OR9Q1: variants seen among roughly 807,000 people sequenced by gnomAD.
OR9Q1 encodes olfactory receptor family 9 subfamily Q member 1, also known as olfactory receptor 9Q1.
For missense variants in OR9Q1, 374 were observed against 378.8 expected, an observed-to-expected ratio of 0.99 and a Z score of 0.11; for synonymous variants, 153 against 148.6, an observed-to-expected ratio of 1.03 and a Z score of -0.22.
At chr11:58,100,992 G>C (rs747886625) in intron 2 of OR9Q1, among the ~76,000 whole-genome samples, 1 of 152,088 alleles carries the variant, frequency 6.6e-6, no homozygotes, top group Non-Finnish European at 1.5e-5. Flanking sequence ...TGAGTTGAAT[G>C]GTGGTGGTTA....
chr11:58,104,503 A>C (rs1298484096), intron 2 of OR9Q1, among the ~76,000 whole-genome samples: 3 of 152,184 alleles, frequency 2.0e-5, no homozygotes, highest in Non-Finnish European at 4.4e-5. Context: ...TACAGGCAAA[A>C]CATAATAATT....
chr11:58,085,962 C>T (rs1029579299), intron 2 of OR9Q1, among the ~76,000 whole-genome samples: 1 of 151,738 alleles, frequency 6.6e-6, no homozygotes, highest in Non-Finnish European at 1.5e-5. Context: ...AGACCAACAC[C>T]CAGGTTGCAG....
intron 2 of OR9Q1, among the ~76,000 whole-genome samples, chr11:58,170,541 G>A (rs1854544775): frequency 6.6e-6 from 1 of 152,076 alleles, no homozygotes; most frequent in South Asian, 2.1e-4. Context: ...TTGTGATATG[G>A]TTTGACTGTG....
chr11:58,104,584 A>T (rs996837791), intron 2 of OR9Q1, among the ~76,000 whole-genome samples: 4 of 152,176 alleles, frequency 2.6e-5, no homozygotes, highest in Non-Finnish European at 5.9e-5. Flanking sequence ...ATTATTCATG[A>T]TTTTTTGGAA....
intron 2 of OR9Q1, among the ~76,000 whole-genome samples, chr11:58,140,137 G>GT (rs562448223): frequency 1.3e-5 from 2 of 151,964 alleles, no homozygotes; most frequent in African/African-American, 2.4e-5. Context: ...GGGGTTGTTT[G>GT]TTTTTTTCTT....
rs557928735 is a variant in OR9Q1 at position 58,159,884 on chromosome 11, T to C, written c.-14-19547T>C. On this transcript the variant is annotated intron_variant, in intron 2 of 2. Coordinates refer to ENST00000335397, the MANE Select transcript of OR9Q1 (RefSeq NM_001005212.4). ...ATGTTCTCTTCCTGCAATAAGATAT[T>C]GATAGATGCCTCCGTCAAGAGATGG... Among the ~76,000 whole-genome samples, 5 of 152,334 alleles carry C rather than the reference T, an allele frequency of 3.3e-5. No individual in the cohort carries two copies. In the East Asian group the frequency reaches 7.7e-4, roughly 24 times the overall value.
chr11:58,070,396 A>G (rs575971837), intron 2 of OR9Q1, among the ~76,000 whole-genome samples: 2 of 152,100 alleles, frequency 1.3e-5, no homozygotes, highest in African/African-American at 4.8e-5. Flanking sequence ...GAAGCTTAAA[A>G]GTAGTCCTGG....
intron 1 of OR9Q1, among the ~76,000 whole-genome samples, chr11:58,043,232 C>G (rs1035804979): frequency 6.6e-6 from 1 of 152,184 alleles, no homozygotes; most frequent in African/African-American, 2.4e-5. Flanking sequence ...GGTTCCTTCT[C>G]AGCTTCATTC....
chr11:58,105,926 T>A (rs1214801650), intron 2 of OR9Q1, among the ~76,000 whole-genome samples: 1 of 152,170 alleles, frequency 6.6e-6, no homozygotes, highest in Non-Finnish European at 1.5e-5. Context: ...GCAACGAATG[T>A]GGGAGTGCAG....
At chr11:58,031,581 T>C (rs1331556613) in intron 1 of OR9Q1, 1 of 1,614,108 alleles carries the variant, frequency 6.2e-7, no homozygotes, top group Non-Finnish European at 8.5e-7. Flanking sequence ...TCTCTGGCTG[T>C]GCTACTGGCC....
At chr11:58,073,419 T>C (rs1430483129) in intron 2 of OR9Q1, 1 of 152,986 alleles carries the variant, frequency 6.5e-6, no homozygotes, top group Admixed American at 6.5e-5. Flanking sequence ...CATTTGACTT[T>C]TTCTTCTTAT....
At chr11:58,046,115 G>A (rs185369486) in intron 1 of OR9Q1, among the ~76,000 whole-genome samples, 8 of 152,310 alleles carry the variant, frequency 5.3e-5, no homozygotes, top group Admixed American at 1.3e-4. Flanking sequence ...TCTGAGGAAG[G>A]AGAAGCAAGA....
At chr11:58,147,476 C>A (rs1008534978) in intron 2 of OR9Q1, among the ~76,000 whole-genome samples, 2 of 152,130 alleles carry the variant, frequency 1.3e-5, no homozygotes, top group African/African-American at 4.8e-5. Flanking sequence ...AATGTAAAAA[C>A]AAAGAAATGA....
intron 2 of OR9Q1, chr11:58,117,645 T>C (rs1348387797): frequency 6.6e-6 from 1 of 152,186 alleles, no homozygotes; most frequent in Non-Finnish European, 1.5e-5. Flanking sequence ...TTTCTATTTA[T>C]CTGTTGGTGC....
At chr11:58,102,258 C>G (rs1185440601) in intron 2 of OR9Q1, among the ~76,000 whole-genome samples, 1 of 436 alleles carries the variant, frequency 2.3e-3, no homozygotes, top group African/African-American at 6.5e-3. Flanking sequence ...TTTGTATACC[C>G]TTTTTACCCT....
rs1302378607 is a variant in OR9Q1, at chr11:58,037,679, ATATATATAT to A, written c.-93+13576_-93+13584del. ...TATATATATATATATATATATATATATATATATATATTTTTTTTTTTTTTTTTTTTTTTT... is the reference window on the plus strand; with the variant it reads ...TATATATATATATATATATATATATAATTTTTTTTTTTTTTTTTTTTTTTT... On this transcript the variant is annotated intron_variant, in intron 1 of 2. Transcript: ENST00000335397. Among the ~76,000 whole-genome samples, 93 of 14,678 alleles carry A rather than the reference ATATATATAT, an allele frequency of 6.3e-3. 3 individuals are homozygous for A. Among genetic ancestry groups the A allele is most frequent in the Non-Finnish European group, 0.012 (82 of 7,006 alleles). The allele number at this position is 14,678 out of a possible 152,430, so 9.6% of individuals were successfully genotyped here. A position where few individuals can be genotyped will look rare whatever the true frequency, so the allele number is the denominator to read the frequency against.
At chr11:58,109,462 G>A (rs982641983) in intron 2 of OR9Q1, 3 of 463,104 alleles carry the variant, frequency 6.5e-6, no homozygotes, top group African/African-American at 4.0e-5. Context: ...ATCCAGGAAA[G>A]CAAGGTGGCT....
intron 2 of OR9Q1, among the ~76,000 whole-genome samples, chr11:58,088,874 G>A (rs778767502): frequency 5.9e-5 from 9 of 151,444 alleles, no homozygotes; most frequent in Admixed American, 1.3e-4. Flanking sequence ...TGTTGCAATT[G>A]CTTCTTTTTT....
chr11:58,057,254 TG>T, intron 2 of OR9Q1, among the ~76,000 whole-genome samples: 1 of 152,226 alleles, frequency 6.6e-6, no homozygotes, highest in Admixed American at 6.5e-5. Context: ...CCCAAAGTGC[TG>T]GGATTACAGG....
Sources: gnomAD v4.1 joint callset for allele counts (sites outside exome capture counted in the v4.1 genomes callset) on GRCh38, gnomAD v4.1.1 for gene constraint, MANE v1.5 for transcripts, NCBI Gene and HGNC (gene_info 2026-07-23, HGNC 2026-07-21) for gene names.